The following KIAA0825 variants were observed in gnomAD, a reference collection of about 807,000 sequenced individuals.
KIAA0825 encodes KIAA0825, also known as uncharacterized protein KIAA0825.
KIAA0825 carries 119 observed loss-of-function variants against 147.6 expected under a neutral mutation model. That is an observed-to-expected ratio of 0.81 (90% CI 0.69 to 0.94). KIAA0825 has a LOEUF of 0.94. KIAA0825 is among the 40% of genes least tolerant of loss of function. KIAA0825 has a pLI of 0.00. For synonymous variants in KIAA0825, 470 were observed against 518.1 expected, an observed-to-expected ratio of 0.91 and a Z score of 1.26; for missense variants, 1,381 against 1,472.7, an observed-to-expected ratio of 0.94 and a Z score of 1.02.
At chr5:94,554,956 C>A (rs935893759) in intron 2 of KIAA0825, among the ~76,000 whole-genome samples, 2 of 151,314 alleles carry the variant, frequency 1.3e-5, no homozygotes, top group African/African-American at 4.8e-5. Context: ...TAGACTTCAA[C>A]TTTTACAAAA....
intron 8 of KIAA0825, among the ~76,000 whole-genome samples, chr5:94,472,179 A>G (rs1241464302): frequency 6.6e-6 from 1 of 152,216 alleles, no homozygotes; most frequent in Admixed American, 6.5e-5. Context: ...TATAAATGTC[A>G]GTGCAATTTA....
chr5:94,546,577 C>T (rs1774427068), intron 2 of KIAA0825, among the ~76,000 whole-genome samples: 1 of 151,598 alleles, frequency 6.6e-6, no homozygotes. Context: ...GGGAGGAGAA[C>T]ATGAGTCTCT....
chr5:94,200,895 A>G (rs1386698098), intron 20 of KIAA0825, among the ~76,000 whole-genome samples: 1 of 147,802 alleles, frequency 6.8e-6, no homozygotes, highest in Non-Finnish European at 1.5e-5. Context: ...TAGAGGACAC[A>G]GGTCCATTGT....
chr5:94,278,762 C>CT (rs1777333174), intron 20 of KIAA0825, among the ~76,000 whole-genome samples: 1 of 151,960 alleles, frequency 6.6e-6, no homozygotes, highest in Non-Finnish European at 1.5e-5. Flanking sequence ...TGAAATGTAC[C>CT]TTTTTCAGAT....
chr5:94,380,204 G>A, intron 20 of KIAA0825, among the ~76,000 whole-genome samples: 1 of 152,106 alleles, frequency 6.6e-6, no homozygotes, highest in African/African-American at 2.4e-5. Context: ...AACATACAGA[G>A]CTTAAATAAC....
intron 2 of KIAA0825, among the ~76,000 whole-genome samples, chr5:94,545,058 G>A (rs1275720057): frequency 6.6e-6 from 1 of 152,064 alleles, no homozygotes; most frequent in Non-Finnish European, 1.5e-5. Flanking sequence ...CAGTGACTGG[G>A]GTGGGGGTTG....
At chr5:94,520,074 T>A in intron 5 of KIAA0825, 174 bp downstream of exon 5, 1 of 1,132,904 alleles carries the variant, frequency 8.8e-7, no homozygotes, top group Non-Finnish European at 1.1e-6. Context: ...AATACTTTTA[T>A]AACTACAATT....
At chr5:94,250,688 G>T (rs929022738) in intron 20 of KIAA0825, among the ~76,000 whole-genome samples, 2 of 152,008 alleles carry the variant, frequency 1.3e-5, no homozygotes, top group Non-Finnish European at 2.9e-5. Flanking sequence ...TGCTTTTCAT[G>T]GCTCAACTGG....
intron 5 of KIAA0825, among the ~76,000 whole-genome samples, chr5:94,487,740 C>T (rs562239629): frequency 3.2e-4 from 49 of 152,232 alleles, no homozygotes; most frequent in African/African-American, 1.2e-3. Flanking sequence ...ATCTGCCAGT[C>T]TGGGCAACAT....
At chr5:94,477,289 A>G in intron 6 of KIAA0825, 84 bp from the exon 7 acceptor site, 3 of 887,680 alleles carry the variant, frequency 3.4e-6, no homozygotes, top group Non-Finnish European at 1.8e-6. Context: ...TCAGGTAAAT[A>G]TTAACTACGT....
chr5:94,186,346 T>A (rs751006858), intron 20 of KIAA0825, among the ~76,000 whole-genome samples: 12 of 152,208 alleles, frequency 7.9e-5, no homozygotes, highest in Admixed American at 1.3e-4. Context: ...TAGATGATTT[T>A]GATTATTGGT....
intron 20 of KIAA0825, among the ~76,000 whole-genome samples, chr5:94,205,268 C>CATATATATATATATATATATATAT (rs5869623): frequency 5.1e-4 from 46 of 90,244 alleles, no homozygotes; most frequent in South Asian, 7.8e-4. Flanking sequence ...ACTATTTAAT[C>CATATATATATATATATATATATAT]ATATATATAT....
chr5:94,571,269 G>A (rs555097437), intron 2 of KIAA0825, among the ~76,000 whole-genome samples: 1 of 152,274 alleles, frequency 6.6e-6, no homozygotes, highest in Non-Finnish European at 1.5e-5. Flanking sequence ...ATACTGTCAA[G>A]TGTTTCAACT....
chr5:94,522,373 A>G (rs1390373366), intron 4 of KIAA0825, among the ~76,000 whole-genome samples: 1 of 151,544 alleles, frequency 6.6e-6, no homozygotes, highest in East Asian at 1.9e-4. Context: ...ACACATCAGC[A>G]TTACTGTAAA....
At chr5:94,313,927 A>T (rs552265052) in intron 20 of KIAA0825, among the ~76,000 whole-genome samples, 47 of 151,602 alleles carry the variant, frequency 3.1e-4, no homozygotes, top group Non-Finnish European at 3.4e-4. Flanking sequence ...AGTCAGTATC[A>T]ATCAGTCCAC....
intron 20 of KIAA0825, among the ~76,000 whole-genome samples, chr5:94,373,277 G>C (rs1482061322): frequency 6.6e-6 from 1 of 152,088 alleles, no homozygotes; most frequent in Non-Finnish European, 1.5e-5. Flanking sequence ...CACATTTTTG[G>C]GGATGCTTAT....
intron 20 of KIAA0825, among the ~76,000 whole-genome samples, chr5:94,179,967 C>T (rs1053045169): frequency 6.6e-6 from 1 of 152,012 alleles, no homozygotes; most frequent in Non-Finnish European, 1.5e-5. Context: ...ATCATTAAAA[C>T]ACCACACGGT....
At chr5:94,332,986 G>C (rs980969286) in intron 20 of KIAA0825, among the ~76,000 whole-genome samples, 61 of 152,100 alleles carry the variant, frequency 4.0e-4, no homozygotes, top group Non-Finnish European at 1.5e-5. Flanking sequence ...GTGATGATGA[G>C]CTTTTTTTCA....
intron 1 of KIAA0825, among the ~76,000 whole-genome samples, chr5:94,585,465 G>T (rs1279164203): frequency 2.6e-5 from 4 of 152,058 alleles, no homozygotes; most frequent in Non-Finnish European, 4.4e-5. Flanking sequence ...AATGGTAAAG[G>T]GATCAATTCA....
Sources: gnomAD v4.1 joint callset for allele counts (sites outside exome capture counted in the v4.1 genomes callset) on GRCh38, gnomAD v4.1.1 for gene constraint, MANE v1.5 for transcripts, NCBI Gene and HGNC (gene_info 2026-07-23, HGNC 2026-07-21) for gene names.